RYR2: variants seen among roughly 807,000 people sequenced by gnomAD.
The protein encoded by RYR2 is cardiac muscle ryanodine receptor-calcium release channel.
A neutral mutation model predicts 601.1 loss-of-function variants in RYR2; 227 were observed. The observed-to-expected ratio is 0.38, with a 90% CI of 0.34 to 0.42. RYR2 has a LOEUF of 0.42. Ranked by LOEUF, RYR2 falls within the 10% of genes least tolerant of loss-of-function variation. The pLI is 1.00. For synonymous variants in RYR2, 2,223 were observed against 2,175.1 expected, an observed-to-expected ratio of 1.02 and a Z score of -0.61; for missense variants, 4,646 against 6,156.5, an observed-to-expected ratio of 0.75 and a Z score of 8.21.
chr1:237,157,295 C>CAA (rs33922740), intron 1 of RYR2, among the ~76,000 whole-genome samples: 415 of 63,316 alleles, frequency 6.6e-3, no homozygotes, highest in Middle Eastern at 0.015. Flanking sequence ...GACTCCATCT[C>CAA]AAAAAAAAAA....
chr1:237,102,385 A>G (rs1668208675), intron 1 of RYR2, among the ~76,000 whole-genome samples: 1 of 152,338 alleles, frequency 6.6e-6, no homozygotes, highest in East Asian at 1.9e-4. Context: ...CATACACAGC[A>G]GCCGTCCTCT....
rs372816871 is a variant in RYR2, at chr1:237,610,543, G to T, written c.4684-219G>T. Among the ~76,000 whole-genome samples, 1 of 152,146 alleles carries T rather than the reference G, an allele frequency of 6.6e-6. No homozygotes were observed. Among genetic ancestry groups the T allele is most frequent in the African/African-American group, 2.4e-5 (1 of 41,430 alleles). On this transcript the variant is annotated intron_variant, in intron 35 of 104. Coordinates refer to ENST00000366574, the MANE Select transcript of RYR2 (RefSeq NM_001035.3). The surrounding 1 kb of genome is among the most constrained non-coding windows in gnomAD (Gnocchi z 4.9). ...GACACATCCCGAAACCTGTTTGACT[G>T]CCCGGAAGGTGTAGGTATTCTCTCT... is the stretch of plus-strand genomic sequence containing the variant.
At chr1:237,600,260 C>T (rs1367381377) in intron 34 of RYR2, among the ~76,000 whole-genome samples, 1 of 151,942 alleles carries the variant, frequency 6.6e-6, no homozygotes, top group East Asian at 1.9e-4. Flanking sequence ...GACATATAGA[C>T]CAATAAAACA....
intron 38 of RYR2, among the ~76,000 whole-genome samples, chr1:237,620,432 AAACGGAACC>A (rs1178664157): frequency 6.6e-6 from 1 of 152,194 alleles, no homozygotes; most frequent in Non-Finnish European, 1.5e-5. Flanking sequence ...AAATCAGAAC[AAACGGAACC>A]ACAGGTGAAA....
At chr1:237,576,857 G>T (rs1572942540) in intron 29 of RYR2, among the ~76,000 whole-genome samples, 1 of 152,236 alleles carries the variant, frequency 6.6e-6, no homozygotes, top group East Asian at 1.9e-4. Context: ...CAATAAACGT[G>T]TGAAGAGATG....
intron 1 of RYR2, among the ~76,000 whole-genome samples, chr1:237,056,693 AC>A (rs1482664297): frequency 0.06 from 5,647 of 94,296 alleles, 73 homozygotes; most frequent in East Asian, 0.15. Context: ...GGAGCACTGC[AC>A]CTGTGAGGAC....
chr1:237,289,711 T>C (rs569669315), intron 2 of RYR2, among the ~76,000 whole-genome samples: 1 of 152,306 alleles, frequency 6.6e-6, no homozygotes, highest in Admixed American at 6.5e-5. Context: ...AGCCAAACCA[T>C]ATCATACTTT....
At chr1:237,389,634 G>A (rs1702216862) in intron 10 of RYR2, among the ~76,000 whole-genome samples, 1 of 152,204 alleles carries the variant, frequency 6.6e-6, no homozygotes, top group South Asian at 2.1e-4. Context: ...CTAGACACAG[G>A]CTGTGAGAGA....
chr1:237,567,186 A>G (rs1401828168), intron 28 of RYR2, among the ~76,000 whole-genome samples: 3 of 152,132 alleles, frequency 2.0e-5, no homozygotes, highest in Admixed American at 6.5e-5. Flanking sequence ...TTTCATTTTC[A>G]ACATTATTGG....
intron 10 of RYR2, among the ~76,000 whole-genome samples, chr1:237,405,447 C>T (rs1375175698): frequency 6.6e-6 from 1 of 152,212 alleles, no homozygotes; most frequent in Non-Finnish European, 1.5e-5. Flanking sequence ...TTGTGAATTA[C>T]TGTCAAGTCT....
intron 17 of RYR2, among the ~76,000 whole-genome samples, chr1:237,484,247 T>G (rs1662434804): frequency 6.6e-6 from 1 of 152,222 alleles, no homozygotes; most frequent in Non-Finnish European, 1.5e-5. Flanking sequence ...TCCTGTATCC[T>G]TCATGAATAG....
At chr1:237,415,192 C>A (rs1428338455) in intron 10 of RYR2, among the ~76,000 whole-genome samples, 2 of 152,106 alleles carry the variant, frequency 1.3e-5, no homozygotes, top group Admixed American at 1.3e-4. Flanking sequence ...CCATTGCAAC[C>A]AGCGAGAGAG....
intron 2 of RYR2, among the ~76,000 whole-genome samples, chr1:237,307,022 T>C (rs1022128506): frequency 3.3e-5 from 5 of 152,204 alleles, no homozygotes; most frequent in Non-Finnish European, 7.4e-5. Flanking sequence ...AAAACTGTAA[T>C]ACCTCGATGA....
rs7522981 is a variant in RYR2 at position 237,610,757 on chromosome 1, G to C, written c.4684-5G>C. On this transcript the variant is annotated splice_region_variant and splice_polypyrimidine_tract_variant and intron_variant, in intron 35 of 104. Transcript: ENST00000366574. This position sits in a 1 kb window ranked among gnomAD's most constrained non-coding sequence, Gnocchi z 4.9. ...TTATTCTTTTTCTGCCTCCCCATCC[G>C]CTAGAATGTGATGCCTCTCTCGGCG... 4,190 of 1,593,286 alleles carry C rather than the reference G, an allele frequency of 2.6e-3. 82 individuals carry two copies. The African/African-American group carries it at 0.042, about 16-fold the overall frequency.
intron 48 of RYR2, among the ~76,000 whole-genome samples, chr1:237,647,114 A>G (rs1479128205): frequency 1.3e-5 from 2 of 152,204 alleles, no homozygotes; most frequent in Non-Finnish European, 2.9e-5. Context: ...GGAGAATTGA[A>G]ATTGAATTTT....
intron 25 of RYR2, among the ~76,000 whole-genome samples, chr1:237,547,755 A>G (rs975116921): frequency 6.6e-6 from 1 of 152,158 alleles, no homozygotes; most frequent in African/African-American, 2.4e-5. Flanking sequence ...TACCTGTTTT[A>G]TTACGATAAT....
intron 1 of RYR2, among the ~76,000 whole-genome samples, chr1:237,100,804 A>G (rs539663136): frequency 6.6e-6 from 1 of 152,092 alleles, no homozygotes; most frequent in Non-Finnish European, 1.5e-5. Context: ...TGATGTTTTT[A>G]TACGCAACAC....
chr1:237,103,366 C>A (rs1668329763), intron 1 of RYR2, among the ~76,000 whole-genome samples: 1 of 152,216 alleles, frequency 6.6e-6, no homozygotes, highest in South Asian at 2.1e-4. Flanking sequence ...CCAGGGCATG[C>A]AACTTGACCT....
chr1:237,250,572 C>T (rs145469056), intron 1 of RYR2, among the ~76,000 whole-genome samples: 8 of 152,160 alleles, frequency 5.3e-5, no homozygotes, highest in Non-Finnish European at 7.3e-5. Flanking sequence ...TTCCCTGTCT[C>T]GTATTCCTCA....
Sources: gnomAD v4.1 joint callset for allele counts (sites outside exome capture counted in the v4.1 genomes callset) on GRCh38, gnomAD v4.1.1 for gene constraint, Gnocchi (gnomAD v3.1) non-coding constraint, MANE v1.5 for transcripts, NCBI Gene and HGNC (gene_info 2026-07-23, HGNC 2026-07-21) for gene names.